FAM107B: variants seen among roughly 807,000 people sequenced by gnomAD.
The protein encoded by FAM107B is protein FAM107B.
A neutral mutation model predicts 31.5 loss-of-function variants in FAM107B; 21 were observed. The ratio of observed to expected loss-of-function variants is 0.67; its 90% CI spans 0.47 to 0.96. The LOEUF is 0.96. FAM107B is among the 40% of genes least tolerant of loss of function. The pLI, the probability that FAM107B is intolerant of heterozygous loss-of-function variation, is 0.00. For synonymous variants in FAM107B, 157 were observed against 141.5 expected, an observed-to-expected ratio of 1.11 and a Z score of -0.78; for missense variants, 452 against 377.1, an observed-to-expected ratio of 1.20 and a Z score of -1.64.
intron 2 of FAM107B, among the ~76,000 whole-genome samples, chr10:14,530,947 T>G (rs528444727): frequency 6.6e-6 from 1 of 152,208 alleles, no homozygotes; most frequent in African/African-American, 2.4e-5. Context: ...GCCTATAAAC[T>G]AAAGCTGGCC....
intron 3 of FAM107B, among the ~76,000 whole-genome samples, chr10:14,528,489 A>G (rs1564526243): frequency 6.6e-6 from 1 of 152,110 alleles, no homozygotes; most frequent in African/African-American, 2.4e-5. Flanking sequence ...GCCTACTTTA[A>G]TTTTTATAAG....
intron 2 of FAM107B, among the ~76,000 whole-genome samples, chr10:14,531,296 G>T (rs1427096872): frequency 6.6e-6 from 1 of 152,138 alleles, no homozygotes; most frequent in Non-Finnish European, 1.5e-5. Flanking sequence ...GTTGTGGGAG[G>T]ATCACTGAGG....
At chr10:14,622,673 A>G (rs17155589) in intron 2 of FAM107B, among the ~76,000 whole-genome samples, 15,466 of 152,212 alleles carry the variant, frequency 0.1, 889 homozygotes, top group Middle Eastern at 0.19. Flanking sequence ...GCTTCCGTAC[A>G]CTAGACACAC....
chr10:14,638,267 T>G (rs959114644), intron 2 of FAM107B, among the ~76,000 whole-genome samples: 1 of 151,860 alleles, frequency 6.6e-6, no homozygotes, highest in Non-Finnish European at 1.5e-5. Context: ...TCTTACGTTG[T>G]GTACAGCCTG....
At chr10:14,576,483 C>A (rs996737270) in intron 2 of FAM107B, among the ~76,000 whole-genome samples, 1 of 152,026 alleles carries the variant, frequency 6.6e-6, no homozygotes, top group African/African-American at 2.4e-5. Flanking sequence ...GGGAAGATCA[C>A]GCAATTGCAC....
chr10:14,687,641 G>C (rs1005181331), intron 1 of FAM107B, among the ~76,000 whole-genome samples: 2 of 151,454 alleles, frequency 1.3e-5, no homozygotes, highest in African/African-American at 2.4e-5. Context: ...TGCGGGGGGT[G>C]GGGGAGGGCT....
chr10:14,523,574 T>C (rs952455239), intron 3 of FAM107B, among the ~76,000 whole-genome samples: 9 of 152,222 alleles, frequency 5.9e-5, no homozygotes, highest in Non-Finnish European at 1.3e-4. Context: ...GACAGGGTTG[T>C]TCTCTAAACG....
chr10:14,677,892 C>T (rs1463900565), intron 1 of FAM107B, among the ~76,000 whole-genome samples: 1 of 152,148 alleles, frequency 6.6e-6, no homozygotes, highest in Non-Finnish European at 1.5e-5. Context: ...CATTAAAAAG[C>T]GGTGTATTGA....
chr10:14,602,204 A>G (rs572210680), intron 2 of FAM107B, among the ~76,000 whole-genome samples: 2 of 152,194 alleles, frequency 1.3e-5, no homozygotes. Context: ...CACTCCCCTG[A>G]GCGTGTGTGC....
At chr10:14,555,711 G>T (rs577929862) in intron 2 of FAM107B, 1 of 152,278 alleles carries the variant, frequency 6.6e-6, no homozygotes, top group Admixed American at 6.5e-5. Flanking sequence ...CTTTATCAAA[G>T]AACACAGGTC....
Position 14,520,498 on chromosome 10 carries a change from T to G in FAM107B, c.*692A>C, listed in dbSNP as rs932948981. On this transcript the variant is annotated 3_prime_UTR_variant, in exon 5 of 5. Coordinates refer to ENST00000181796, the MANE Select transcript of FAM107B (RefSeq NM_031453.4). ...AATGAATGGACAGGATGTACCTTCT[T>G]GGAACTGGAATGTCACTATGTAGCC... The G allele has an allele frequency of 1.3e-5, 2 of 152,342 alleles. No homozygotes were observed. The highest frequency in any genetic ancestry group is 3.9e-4 in the East Asian group (2 of 5,188). The allele number at this position is 152,342 out of a possible 1,614,324, so 9.4% of individuals were successfully genotyped here. A position where few individuals can be genotyped will look rare whatever the true frequency, so the allele number is the denominator to read the frequency against.
At chr10:14,568,063 G>A (rs368257538) in intron 2 of FAM107B, among the ~76,000 whole-genome samples, 1 of 152,184 alleles carries the variant, frequency 6.6e-6, no homozygotes, top group Non-Finnish European at 1.5e-5. Context: ...GTGAGCCAGG[G>A]GCCAAAACTT....
At position 14,631,839 on chromosome 10, in the gene FAM107B, C is replaced by A. The variant is rs145555523; in HGVS notation, c.469+35795G>T. Among the ~76,000 whole-genome samples, 1,114 of 152,296 alleles carry A rather than the reference C, an allele frequency of 7.3e-3. 7 individuals carry two copies. The highest frequency in any genetic ancestry group is 0.012 in the Non-Finnish European group (806 of 68,028). On this transcript the variant is annotated intron_variant, in intron 2 of 4. Coordinates refer to ENST00000181796, the MANE Select transcript of FAM107B (RefSeq NM_031453.4). Reference sequence around the variant, plus strand: ...TCCAGTGCAACATGGAAATCTGTGACCCTCTGTCACCAAATGATTAAGCAT... The same window carrying A: ...TCCAGTGCAACATGGAAATCTGTGAACCTCTGTCACCAAATGATTAAGCAT...
At chr10:14,604,149 G>A (rs1322538793) in intron 2 of FAM107B, 3 of 856,626 alleles carry the variant, frequency 3.5e-6, no homozygotes, top group Admixed American at 6.4e-5. Flanking sequence ...CCGCCGAGAG[G>A]GTCCCCGGAG....
chr10:14,534,799 T>C (rs979029093), intron 2 of FAM107B: 22 of 152,374 alleles, frequency 1.4e-4, no homozygotes, highest in African/African-American at 5.3e-4. Flanking sequence ...AATGTGGATA[T>C]AAATCTTATC....
intron 2 of FAM107B, among the ~76,000 whole-genome samples, chr10:14,615,933 T>C (rs2131396254): frequency 6.6e-6 from 1 of 152,284 alleles, no homozygotes; most frequent in East Asian, 1.9e-4. Context: ...TAGATAGATA[T>C]TTATCAAATT....
chr10:14,714,530 C>G (rs1588724591), intron 1 of FAM107B, among the ~76,000 whole-genome samples: 1 of 152,336 alleles, frequency 6.6e-6, no homozygotes. Flanking sequence ...CCTCAGTAGA[C>G]AGCAGGCCCA....
At chr10:14,745,335 T>A (rs1832703178) in intron 1 of FAM107B, among the ~76,000 whole-genome samples, 1 of 152,156 alleles carries the variant, frequency 6.6e-6, no homozygotes, top group Non-Finnish European at 1.5e-5. Context: ...TTTCTTGTCT[T>A]TTGCTAGTTT....
intron 1 of FAM107B, among the ~76,000 whole-genome samples, chr10:14,762,441 T>C (rs1460761854): frequency 4.6e-5 from 7 of 152,162 alleles, no homozygotes. Context: ...GACACCATTT[T>C]TTCACTTGTG....
Sources: gnomAD v4.1 joint callset for allele counts (sites outside exome capture counted in the v4.1 genomes callset) on GRCh38, gnomAD v4.1.1 for gene constraint, MANE v1.5 for transcripts, NCBI Gene and HGNC (gene_info 2026-07-23, HGNC 2026-07-21) for gene names.